Variants in SPMIP4 observed in about 807,000 individuals in gnomAD.
SPMIP4 encodes sperm-associated microtubule inner protein 4.
chr7:25,168,691 T>C, the SPMIP4 span, among the ~76,000 whole-genome samples: 445 of 152,140 alleles, frequency 2.9e-3, 1 homozygote, highest in African/African-American at 0.01. Context: ...TATCCTTTTT[T>C]TGGTCATCAG....
chr7:25,129,925 C>T, the SPMIP4 span, among the ~76,000 whole-genome samples: 4 of 152,000 alleles, frequency 2.6e-5, no homozygotes, highest in East Asian at 3.9e-4. Flanking sequence ...CCTAAGAATA[C>T]GGAAGCTAGG....
chr7:25,176,491 G>A, the SPMIP4 span, among the ~76,000 whole-genome samples: 1 of 152,348 alleles, frequency 6.6e-6, no homozygotes, highest in African/African-American at 2.4e-5. The surrounding 1 kb of genome is among the most constrained non-coding windows in gnomAD (Gnocchi z 4.4). Flanking sequence ...GTCAATGGTA[G>A]AGGAGTAGGG....
chr7:25,138,688 G>A, the SPMIP4 span, among the ~76,000 whole-genome samples: 1 of 152,236 alleles, frequency 6.6e-6, no homozygotes, highest in Non-Finnish European at 1.5e-5. The surrounding 1 kb of genome is among the most constrained non-coding windows in gnomAD (Gnocchi z 6.2). Context: ...TGGTTGGAAT[G>A]TAAAGAGTTA....
chr7:25,168,597 G>T, the SPMIP4 span: 1 of 727,076 alleles, frequency 1.4e-6, no homozygotes, highest in Non-Finnish European at 2.2e-6. Flanking sequence ...AGAATTCTCA[G>T]TGTCAGGTAG....
the SPMIP4 span, chr7:25,158,484 A>G: frequency 4.7e-5 from 75 of 1,596,440 alleles, no homozygotes; most frequent in Admixed American, 6.3e-4. Flanking sequence ...GAAGGAAAAT[A>G]TAAGTTATTT....
At chr7:25,154,516 T>A in the SPMIP4 span, among the ~76,000 whole-genome samples, 1 of 152,204 alleles carries the variant, frequency 6.6e-6, no homozygotes, top group Non-Finnish European at 1.5e-5. Flanking sequence ...TGGGAGAACC[T>A]GCTCCAGGGT....
the SPMIP4 span, chr7:25,142,929 T>G: frequency 2.9e-6 from 2 of 689,912 alleles, no homozygotes; most frequent in African/African-American, 3.8e-5. Context: ...TCAGAATGGT[T>G]TTTTTTTTGT....
the SPMIP4 span, among the ~76,000 whole-genome samples, chr7:25,148,185 T>G: frequency 2.0e-5 from 3 of 152,234 alleles, no homozygotes; most frequent in African/African-American, 7.2e-5. Context: ...ATGATGTAAT[T>G]GGTGTGGGGT....
the SPMIP4 span, among the ~76,000 whole-genome samples, chr7:25,137,120 T>G: frequency 1.3e-5 from 2 of 152,178 alleles, no homozygotes; most frequent in Admixed American, 6.5e-5. Flanking sequence ...ACAGATGGCA[T>G]TAGCCGCGTG....
the SPMIP4 span, among the ~76,000 whole-genome samples, chr7:25,174,095 T>A: frequency 6.6e-6 from 1 of 152,236 alleles, no homozygotes; most frequent in Non-Finnish European, 1.5e-5. This position sits in a 1 kb window ranked among gnomAD's most constrained non-coding sequence, Gnocchi z 4.5. Flanking sequence ...GCTTTCTGAT[T>A]CTTAAACATT....
At chr7:25,180,095 A>AGGGGCG in the SPMIP4 span, 20 of 121,656 alleles carry the variant, frequency 1.6e-4, 1 homozygote, top group African/African-American at 6.2e-4. Context: ...GCTGGCAGGC[A>AGGGGCG]GGGGCGGGGG....
the SPMIP4 span, among the ~76,000 whole-genome samples, chr7:25,173,624 C>T: frequency 6.6e-6 from 1 of 152,116 alleles, no homozygotes; most frequent in African/African-American, 2.4e-5. The surrounding 1 kb of genome is among the most constrained non-coding windows in gnomAD (Gnocchi z 4.4). Flanking sequence ...TACGTCCTCC[C>T]TAGCTGTCTG....
the SPMIP4 span, among the ~76,000 whole-genome samples, chr7:25,130,067 G>A: frequency 4.6e-5 from 7 of 151,656 alleles, no homozygotes; most frequent in South Asian, 2.1e-4. Context: ...GTGAAACCCC[G>A]TCTCTACTAA....
At chr7:25,166,230 C>T in the SPMIP4 span, among the ~76,000 whole-genome samples, 7 of 69,264 alleles carry the variant, frequency 1.0e-4, no homozygotes, top group Admixed American at 1.5e-4. Flanking sequence ...TTCTTTCCGT[C>T]TTCTTTTTTT....
At chr7:25,146,110 A>C in the SPMIP4 span, among the ~76,000 whole-genome samples, 3 of 152,328 alleles carry the variant, frequency 2.0e-5, no homozygotes, top group Non-Finnish European at 4.4e-5. Context: ...ACAGGTTATG[A>C]TAAGGCACTT....
the SPMIP4 span, among the ~76,000 whole-genome samples, chr7:25,162,324 C>T: frequency 6.7e-6 from 1 of 148,558 alleles, no homozygotes; most frequent in African/African-American, 2.5e-5. Flanking sequence ...ACTAAAAAAC[C>T]CAAATTAAAT....
the SPMIP4 span, among the ~76,000 whole-genome samples, chr7:25,132,563 G>A: frequency 6.6e-5 from 10 of 152,146 alleles, no homozygotes; most frequent in African/African-American, 2.4e-4. The surrounding 1 kb of genome is among the most constrained non-coding windows in gnomAD (Gnocchi z 5.0). Context: ...GGGGAGAATG[G>A]CCAAACCACC....
At chr7:25,142,929 T>A in the SPMIP4 span, 4 of 689,912 alleles carry the variant, frequency 5.8e-6, no homozygotes, top group African/African-American at 7.7e-5. Context: ...TCAGAATGGT[T>A]TTTTTTTTGT....
chr7:25,176,909 CAAG>C, the SPMIP4 span, among the ~76,000 whole-genome samples: 2 of 152,064 alleles, frequency 1.3e-5, no homozygotes, highest in Non-Finnish European at 1.5e-5. This position sits in a 1 kb window ranked among gnomAD's most constrained non-coding sequence, Gnocchi z 4.4. Flanking sequence ...AGGCTAAGCG[CAAG>C]AAGAAAAAGG....
Sources: gnomAD v4.1 joint callset for allele counts (sites outside exome capture counted in the v4.1 genomes callset) on GRCh38, gnomAD v4.1.1 for gene constraint, Gnocchi (gnomAD v3.1) non-coding constraint, MANE v1.5 for transcripts, NCBI Gene and HGNC (gene_info 2026-07-23, HGNC 2026-07-21) for gene names.